HIPK4: variants seen among roughly 807,000 people sequenced by gnomAD.
The protein encoded by HIPK4 is homeodomain-interacting protein kinase 4.
In HIPK4, 26 loss-of-function variants were observed where a neutral mutation model predicts 44.8. The ratio of observed to expected loss-of-function variants is 0.58; its 90% CI spans 0.43 to 0.80. The LOEUF (loss-of-function observed/expected upper bound fraction) is 0.80, where lower values mean the gene tolerates loss of function less well. Among genes scored for constraint, HIPK4 ranks in the 30% least tolerant of loss-of-function variants. The pLI, the probability that HIPK4 is intolerant of heterozygous loss-of-function variation, is 0.00. For synonymous variants in HIPK4, 340 were observed against 355.5 expected (o/e 0.96, Z 0.49); for missense variants, 729 against 862.6 (o/e 0.85, Z 1.94).
In HIPK4 at chr19:40,381,074, G is replaced by C; in HGVS notation, c.917C>G (p.Pro306Arg). ...GTGCTCCGCCAGCGCCTCCCGGTCA[G>C]GGAAGGTTAGCCGACTGGCCACACT... ...GGSVASRLTF[P>R]DREALAEHAD... Residue 306 changes from proline (P) to arginine (R), a missense_variant, in exon 3 of 4, where the codon CCT (proline) becomes CGT (arginine). Physicochemically the swap from Pro to Arg is moderately radical, Grantham distance 103 (BLOSUM62 -2). Transcript: ENST00000291823. 1 of 1,613,036 alleles carries C rather than the reference G, an allele frequency of 6.2e-7. No individual in the cohort carries two copies. Among genetic ancestry groups the C allele is most frequent in the South Asian group, 1.1e-5 (1 of 91,080 alleles).
At chr19:40,384,161 G>A (rs1198088327) in intron 1 of HIPK4, 22 bp from the exon 2 acceptor site, 4 of 1,545,944 alleles carry the variant, frequency 2.6e-6, no homozygotes, top group Non-Finnish European at 2.6e-6. Context: ...GGGGAAGAGG[G>A]CGAGTGGGCA....
At position 40,380,287 on chromosome 19, in the gene HIPK4, C is replaced by T; in HGVS notation, c.1668+36G>A. 6.3e-7 allele frequency: 1 copy of T among 1,597,548 alleles called. No homozygotes were observed. Among genetic ancestry groups the T allele is most frequent in the Non-Finnish European group, 8.6e-7 (1 of 1,168,338 alleles). ...CGGGTGAGTGTGTGCTGAGCCTCCT[C>T]CCACCCTAATCGTATCCTGAACGCA... On this transcript the variant is annotated intron_variant, in intron 3 of 3. Transcript: ENST00000291823. The surrounding 1 kb of genome is among the most constrained non-coding windows in gnomAD (Gnocchi z 4.2).
chr19:40,379,682 G>C lies in HIPK4; in HGVS notation c.1756C>G (p.Pro586Ala). 6.3e-7 allele frequency: 1 copy of C among 1,581,160 alleles called. No individual in the cohort carries two copies. Among genetic ancestry groups the C allele is most frequent in the Non-Finnish European group, 8.6e-7 (1 of 1,166,618 alleles). Reference protein sequence around the residue: ...PDCTLESVRGPRAQGLPPRRS... With the variant: ...PDCTLESVRGARAQGLPPRRS... ...CGGGGTGGGAGCCCCTGAGCCCGTGGGCCCCTGACGCTCTCCAGGGTGCAG... is the reference window on the plus strand; with the variant it reads ...CGGGGTGGGAGCCCCTGAGCCCGTGCGCCCCTGACGCTCTCCAGGGTGCAG... Residue 586 changes from proline to alanine, a missense_variant, in exon 4 of 4, where the codon CCA becomes GCA. Physicochemically the swap from Pro to Ala is conservative, Grantham distance 27. This residue lies in a region of HIPK4 where 533 missense variants were observed against 567.5 expected (regional missense o/e 0.94). Coordinates refer to ENST00000291823, the MANE Select transcript of HIPK4 (RefSeq NM_144685.5).
Position 40,379,396 on chromosome 19 carries a change from C to A in HIPK4, c.*191G>T, listed in dbSNP as rs1464000743. The A allele has an allele frequency of 5.3e-6, 3 of 571,304 alleles. No individual in the cohort carries two copies. Among genetic ancestry groups the A allele is most frequent in the Non-Finnish European group, 9.0e-6 (3 of 335,014 alleles). 35.4% of individuals were successfully genotyped at this position (571,304 alleles called of 1,614,324 possible). On this transcript the variant is annotated 3_prime_UTR_variant, in exon 4 of 4. Transcript: ENST00000291823. Reference sequence around the variant, plus strand: ...AGGAGCATGGGCCAGACTCCAAAGCCCTGCTGTGTTTAGGAGAGGTGTGCA... The same window carrying A: ...AGGAGCATGGGCCAGACTCCAAAGCACTGCTGTGTTTAGGAGAGGTGTGCA...
In HIPK4 at chr19:40,383,849, G is replaced by C. The variant is rs199630536; in HGVS notation, c.756C>G (p.Asn252Lys). 2 of 1,614,186 alleles carry C rather than the reference G, an allele frequency of 1.2e-6. No individual in the cohort carries two copies. The highest frequency in any genetic ancestry group is 2.2e-5 in the East Asian group (1 of 44,888). ...ACKAHHFFKR[N>K]PHPDAANPWQ... ...AGGGGTTGGCAGCGTCAGGGTGGGG[G>C]TTGCGCTTGAAGAAGTGGTGGGCCT... is the stretch of plus-strand genomic sequence containing the variant. Residue 252 changes from asparagine to lysine, a missense_variant, in exon 2 of 4, where the codon AAC (asparagine) becomes AAG (lysine). Coordinates refer to ENST00000291823, the MANE Select transcript of HIPK4 (RefSeq NM_144685.5).
Position 40,380,864 on chromosome 19 carries a change from T to C in HIPK4, c.1127A>G (p.Glu376Gly). ...CACGACGGGCGTGGGGGGCTTCCCC[T>C]CCACTTGCAGCGAGAGGCGGTAGCT... ...LRSYRLSLQV[E>G]GKPPTPVVAA... Residue 376 changes from glutamate (E) to glycine (G), a missense_variant, in exon 3 of 4, where the codon GAG (glutamate) becomes GGG (glycine). Coordinates refer to ENST00000291823, the MANE Select transcript of HIPK4 (RefSeq NM_144685.5). The surrounding 1 kb of genome is among the most constrained non-coding windows in gnomAD (Gnocchi z 4.2). 6.2e-7 allele frequency: 1 copy of C among 1,608,378 alleles called. No homozygotes were observed. Among genetic ancestry groups the C allele is most frequent in the Non-Finnish European group, 8.5e-7 (1 of 1,175,304 alleles).
intron 2 of HIPK4, among the ~76,000 whole-genome samples, chr19:40,383,114 A>C (rs2079345733): frequency 5.6e-5 from 6 of 106,926 alleles, no homozygotes; most frequent in East Asian, 2.7e-4. Context: ...ACGGAGTCTC[A>C]CTCTGTTGCC....
At chr19:40,388,013 G>GTTT (rs71171566) in intron 1 of HIPK4, among the ~76,000 whole-genome samples, 1,576 of 112,978 alleles carry the variant, frequency 0.014, 125 homozygotes, top group Admixed American at 0.093. Context: ...TTTTAGTTTA[G>GTTT]TTTTTTTTTT....
chr19:40,379,468 A>G lies in HIPK4; in HGVS notation c.*119T>C, dbSNP rs372421367. The stretch of plus-strand genomic sequence containing the variant: ...GGGGAATGAGAATTTCTGGATAACT[A>G]TCTTTCTGTAAGAATAATTTGTGGG... On this transcript the variant is annotated 3_prime_UTR_variant, in exon 4 of 4. Transcript: ENST00000291823. 1.5e-4 allele frequency: 138 copies of G among 898,460 alleles called. 1 individual carries two copies. In the African/African-American group the frequency reaches 1.7e-3, roughly 11 times the overall value. The allele number at this position is 898,460 out of a possible 1,614,324, so 55.7% of individuals were successfully genotyped here. A position where few individuals can be genotyped will look rare whatever the true frequency, so the allele number is the denominator to read the frequency against.
chr19:40,388,133 T>C (rs772867970), intron 1 of HIPK4, among the ~76,000 whole-genome samples: 4 of 151,906 alleles, frequency 2.6e-5, no homozygotes, highest in African/African-American at 9.7e-5. Context: ...TTTATCTGCT[T>C]CAGCCTCTGG....
At chr19:40,381,579 T>C (rs1485178785) in intron 2 of HIPK4, among the ~76,000 whole-genome samples, 1 of 152,068 alleles carries the variant, frequency 6.6e-6, no homozygotes, top group Non-Finnish European at 1.5e-5. Flanking sequence ...CCCCTGCTAT[T>C]AAACTGCCAT....
intron 1 of HIPK4, among the ~76,000 whole-genome samples, chr19:40,387,474 G>GTTTCTT (rs1020574295): frequency 9.2e-5 from 14 of 152,172 alleles, no homozygotes; most frequent in Non-Finnish European, 1.6e-4. Flanking sequence ...CTCTTGGCCT[G>GTTTCTT]TTTCTTTTTC....
Position 40,381,173 on chromosome 19 carries a change from C to A in HIPK4, c.823-5G>T. ...GCGGCGCTCCAATGGGCGCACCTGG[C>A]GGGGCATGGAGAAGGGGGCAGGGTT... On this transcript the variant is annotated splice_region_variant and splice_polypyrimidine_tract_variant and intron_variant, in intron 2 of 3. Coordinates refer to ENST00000291823, the MANE Select transcript of HIPK4 (RefSeq NM_144685.5). The A allele has an allele frequency of 6.3e-7, 1 of 1,588,388 alleles. No individual in the cohort carries two copies. The highest frequency in any genetic ancestry group is 8.5e-7 in the Non-Finnish European group (1 of 1,171,472).
Position 40,389,826 on chromosome 19 carries a change from G to A in HIPK4, c.77C>T (p.Ala26Val). The change falls in exon 1 of 4, where the codon GCC becomes GTC. Residue 26 changes from alanine (A) to valine (V), a missense_variant. Around this residue, in one of 2 missense-constraint regions of HIPK4, gnomAD observed 196 missense variants for 295.1 expected, o/e 0.66. Transcript: ENST00000291823. The surrounding 1 kb of genome is among the most constrained non-coding windows in gnomAD (Gnocchi z 4.6). Reference sequence around the variant, plus strand: ...GCCCGTGCTCCGCCGCCAGCCCTTGGCTACCTCCCCGAAGGTCCCCTTGCC... The same window carrying A: ...GCCCGTGCTCCGCCGCCAGCCCTTGACTACCTCCCCGAAGGTCCCCTTGCC... ...VLGKGTFGEV[A>V]KGWRRSTGEM... is the part of the protein sequence containing the mutation. 3 of 1,614,014 alleles carry A rather than the reference G, an allele frequency of 1.9e-6. No homozygotes were observed. The highest frequency in any genetic ancestry group is 2.5e-6 in the Non-Finnish European group (3 of 1,180,018).
In HIPK4 at chr19:40,384,003, A is replaced by G. The variant is rs777117806; in HGVS notation, c.602T>C (p.Leu201Pro). The G allele has an allele frequency of 9.3e-6, 15 of 1,614,064 alleles. No individual in the cohort carries two copies. The highest frequency in any genetic ancestry group is 8.5e-7 in the Non-Finnish European group (1 of 1,180,012). Residue 201 changes from leucine (L) to proline (P), a missense_variant, in exon 2 of 4, where the codon CTG (leucine) becomes CCG (proline). Around this residue, in one of 2 missense-constraint regions of HIPK4, gnomAD observed 196 missense variants for 295.1 expected, o/e 0.66. Coordinates refer to ENST00000291823, the MANE Select transcript of HIPK4 (RefSeq NM_144685.5). ...PFCEKVDVWS[L>P]GCVMAELHLG... ...GTGCAGCTCAGCCATGACGCAGCCC[A>G]GGGACCACACGTCCACCTTCTCGCA...
chr19:40,380,786 G>A lies in HIPK4; in HGVS notation c.1205C>T (p.Ala402Val), dbSNP rs780475269. The A allele has an allele frequency of 2.3e-5, 37 of 1,613,728 alleles. No individual in the cohort carries two copies. Among genetic ancestry groups the A allele is most frequent in the East Asian group, 4.5e-5 (2 of 44,876 alleles). ...YYCLAEEKEA[A>V]GMGSVAGSSP... ...GCTGCCGGCCACACTGCCCATACCC[G>A]CAGCCTCCTTCTCCTCAGCCAGACA... The change falls in exon 3 of 4, where the codon GCG becomes GTG. Residue 402 changes from alanine (A) to valine (V), a missense_variant. Ala to Val is a moderately conservative substitution (Grantham distance 64). Transcript: ENST00000291823. The surrounding 1 kb of genome is among the most constrained non-coding windows in gnomAD (Gnocchi z 4.2).
chr19:40,380,083 A>G lies in HIPK4; in HGVS notation c.1668+240T>C, dbSNP rs572462380. Among the ~76,000 whole-genome samples the G allele has an allele frequency of 7.2e-5, 11 of 152,222 alleles. No homozygotes were observed. The highest frequency in any genetic ancestry group is 5.2e-4 in the Admixed American group (8 of 15,292). On this transcript the variant is annotated intron_variant, in intron 3 of 3. Coordinates refer to ENST00000291823, the MANE Select transcript of HIPK4 (RefSeq NM_144685.5). The surrounding 1 kb of genome is among the most constrained non-coding windows in gnomAD (Gnocchi z 4.2). ...GCCCAGGCTCTTTATCAAGCTTCTTATAAGTAGATTACTGTGCCCTGAGTT... is the reference window on the plus strand; with the variant it reads ...GCCCAGGCTCTTTATCAAGCTTCTTGTAAGTAGATTACTGTGCCCTGAGTT...
At position 40,380,786 on chromosome 19, in the gene HIPK4, G is replaced by C. The variant is rs780475269; in HGVS notation, c.1205C>G (p.Ala402Gly). 1 of 1,613,846 alleles carries C rather than the reference G, an allele frequency of 6.2e-7. No individual in the cohort carries two copies. The highest frequency in any genetic ancestry group is 1.3e-5 in the African/African-American group (1 of 74,960). The change falls in exon 3 of 4, where the codon GCG becomes GGG. Residue 402 changes from alanine (A) to glycine (G), a missense_variant. Around this residue, in one of 2 missense-constraint regions of HIPK4, gnomAD observed 533 missense variants for 567.5 expected, o/e 0.94. Transcript: ENST00000291823. The surrounding 1 kb of genome is among the most constrained non-coding windows in gnomAD (Gnocchi z 4.2). ...YYCLAEEKEAAGMGSVAGSSP... is the reference protein window; with the variant it reads ...YYCLAEEKEAGGMGSVAGSSP... ...GCTGCCGGCCACACTGCCCATACCC[G>C]CAGCCTCCTTCTCCTCAGCCAGACA... is the stretch of plus-strand genomic sequence containing the variant.
chr19:40,384,183 A>G (rs766759971), intron 1 of HIPK4, 44 bp from the exon 2 acceptor site: 1 of 1,495,524 alleles, frequency 6.7e-7, no homozygotes, highest in Non-Finnish European at 9.1e-7. Flanking sequence ...GTCAAGCAGC[A>G]GGGACAGCCG....
Sources: allele counts gnomAD v4.1 joint callset (sites outside exome capture counted in the v4.1 genomes callset), GRCh38; gene constraint gnomAD v4.1.1; regional missense constraint gnomAD v4.1.1; non-coding constraint Gnocchi (gnomAD v3.1); transcripts MANE v1.5; gene names NCBI Gene and HGNC (gene_info 2026-07-23, HGNC 2026-07-21).